QTGAL: variants seen among roughly 807,000 people sequenced by gnomAD.
QTGAL encodes BGnT-like protein 1.
the QTGAL span, among the ~76,000 whole-genome samples, chr17:83,008,728 A>G: frequency 2.6e-5 from 4 of 152,216 alleles, no homozygotes; most frequent in African/African-American, 9.6e-5. Context: ...AAGCCTGAGC[A>G]GCTTCGTGGA....
At chr17:82,964,232 A>C in the QTGAL span, among the ~76,000 whole-genome samples, 3 of 135,186 alleles carry the variant, frequency 2.2e-5, no homozygotes, top group Non-Finnish European at 4.7e-5. Context: ...CTCCAGCCTC[A>C]GGAACAGAGT....
At chr17:82,959,561 T>C in the QTGAL span, among the ~76,000 whole-genome samples, 1 of 151,890 alleles carries the variant, frequency 6.6e-6, no homozygotes, top group Non-Finnish European at 1.5e-5. Flanking sequence ...GGTTTTGGCA[T>C]CTTGTCCTTA....
At chr17:82,990,616 C>G in the QTGAL span, among the ~76,000 whole-genome samples, 1 of 152,202 alleles carries the variant, frequency 6.6e-6, no homozygotes, top group Non-Finnish European at 1.5e-5. Flanking sequence ...TTTGGGGATT[C>G]AGTTAGATGC....
At chr17:83,048,629 AC>A in the QTGAL span, 1 of 1,606,158 alleles carries the variant, frequency 6.2e-7, no homozygotes, top group Non-Finnish European at 8.5e-7. Flanking sequence ...ACCGTTGCTT[AC>A]ACTGGGGCTG....
the QTGAL span, among the ~76,000 whole-genome samples, chr17:82,951,451 G>A: frequency 1.3e-5 from 2 of 152,210 alleles, no homozygotes; most frequent in African/African-American, 4.8e-5. Context: ...TCTGTATTAG[G>A]CTTTGGCTTA....
At chr17:83,028,522 CA>C in the QTGAL span, among the ~76,000 whole-genome samples, 260 of 52,254 alleles carry the variant, frequency 5.0e-3, no homozygotes, top group Middle Eastern at 0.013. Flanking sequence ...GACTCCATCT[CA>C]AAAAAAAAAA....
chr17:83,029,036 T>C, the QTGAL span, among the ~76,000 whole-genome samples: 2 of 152,204 alleles, frequency 1.3e-5, no homozygotes, highest in Non-Finnish European at 2.9e-5. Context: ...ACAGAAGCCC[T>C]GGGGCTCCAA....
the QTGAL span, among the ~76,000 whole-genome samples, chr17:83,012,640 A>T: frequency 4.0e-4 from 61 of 152,308 alleles, 1 homozygote; most frequent in Non-Finnish European, 6.9e-4. Flanking sequence ...TTGGGCAGCT[A>T]ACGTGGCAGG....
the QTGAL span, among the ~76,000 whole-genome samples, chr17:82,997,955 C>A: frequency 1.7e-4 from 25 of 144,128 alleles, no homozygotes; most frequent in Non-Finnish European, 3.5e-4. Flanking sequence ...ATATCTATAT[C>A]TATCTAGATC....
the QTGAL span, among the ~76,000 whole-genome samples, chr17:83,036,991 A>C: frequency 1.3e-5 from 2 of 152,144 alleles, no homozygotes; most frequent in Admixed American, 6.5e-5. Flanking sequence ...GGTGCTGAGG[A>C]GGCTCCAAGG....
the QTGAL span, among the ~76,000 whole-genome samples, chr17:82,977,504 T>A: frequency 1.6e-5 from 2 of 123,228 alleles, no homozygotes; most frequent in East Asian, 2.1e-4. Flanking sequence ...AAAAAACTTT[T>A]CTTTGTTTAA....
the QTGAL span, among the ~76,000 whole-genome samples, chr17:82,969,543 C>G: frequency 6.6e-6 from 1 of 152,182 alleles, no homozygotes; most frequent in Non-Finnish European, 1.5e-5. Context: ...TGGTGGTGCA[C>G]GCGCCAGTGG....
chr17:83,050,150 C>T, the QTGAL span, among the ~76,000 whole-genome samples: 68 of 152,248 alleles, frequency 4.5e-4, no homozygotes, highest in African/African-American at 1.5e-3. Context: ...GCGGGCAGAT[C>T]ATCTGATGTC....
the QTGAL span, among the ~76,000 whole-genome samples, chr17:82,957,907 C>T: frequency 7.3e-4 from 111 of 152,270 alleles, no homozygotes; most frequent in African/African-American, 2.3e-3. Context: ...GCCTCAGGGT[C>T]GCTGCCCCGA....
At chr17:82,946,684 T>C in the QTGAL span, among the ~76,000 whole-genome samples, 7 of 151,976 alleles carry the variant, frequency 4.6e-5, no homozygotes, top group African/African-American at 1.2e-4. Flanking sequence ...TCAAAACAGA[T>C]AGAGTTCACC....
chr17:83,012,915 G>A, the QTGAL span, among the ~76,000 whole-genome samples: 4 of 151,226 alleles, frequency 2.6e-5, no homozygotes, highest in African/African-American at 7.3e-5. Flanking sequence ...CTAGATCCCC[G>A]GGCCCCCCGT....
chr17:82,966,817 G>A, the QTGAL span, among the ~76,000 whole-genome samples: 1 of 152,130 alleles, frequency 6.6e-6, no homozygotes, highest in African/African-American at 2.4e-5. Context: ...AGAAGACATG[G>A]ATAAACCAGA....
chr17:82,961,064 C>T, the QTGAL span: 17 of 1,609,140 alleles, frequency 1.1e-5, no homozygotes, highest in East Asian at 6.7e-5. Context: ...CACTCGAGGA[C>T]GCAGTGCGTG....
the QTGAL span, among the ~76,000 whole-genome samples, chr17:83,038,635 G>GA: frequency 6.6e-6 from 1 of 152,190 alleles, no homozygotes; most frequent in East Asian, 1.9e-4. Flanking sequence ...AAGGCAGGCG[G>GA]ATCAGGAGGT....
Sources: gnomAD v4.1 joint callset for allele counts (sites outside exome capture counted in the v4.1 genomes callset) on GRCh38, gnomAD v4.1.1 for gene constraint, MANE v1.5 for transcripts, NCBI Gene and HGNC (gene_info 2026-07-23, HGNC 2026-07-21) for gene names.